Variants in PARG observed in about 807,000 individuals in gnomAD.
The protein encoded by PARG is poly(ADP-ribose) glycohydrolase.
Under a neutral mutation model 113.0 loss-of-function variants are expected in PARG, and 35 were observed. That is an observed-to-expected ratio of 0.31 (90% CI 0.24 to 0.41). PARG has a LOEUF of 0.41. Ranked by LOEUF, PARG falls within the 10% of genes least tolerant of loss-of-function variation. PARG has a pLI of 1.00. For synonymous variants in PARG, 330 were observed against 409.9 expected (o/e 0.81, Z 2.36); for missense variants, 797 against 1,169.4 (o/e 0.68, Z 4.64).
chr10:49,819,144 C>T lies in PARG; in HGVS notation c.*196G>A, dbSNP rs1843937003. On this transcript the variant is annotated 3_prime_UTR_variant, in exon 18 of 18. Coordinates refer to ENST00000616448, the MANE Select transcript of PARG (RefSeq NM_003631.5). ...AATAGAAACAAAACATATCTAAGTC[C>T]ACGTGAGTCAGGATGGAGGGAGTTT... 4.3e-6 allele frequency: 2 copies of T among 467,228 alleles called. No individual in the cohort carries two copies. Among genetic ancestry groups the T allele is most frequent in the Non-Finnish European group, 7.6e-6 (2 of 261,506 alleles). 28.9% of individuals were successfully genotyped at this position (467,228 alleles called of 1,614,324 possible). A position where few individuals can be genotyped will look rare whatever the true frequency, so the allele number is the denominator to read the frequency against.
intron 4 of PARG, among the ~76,000 whole-genome samples, chr10:49,927,536 A>G (rs1180180707): frequency 2.6e-5 from 4 of 152,064 alleles, no homozygotes; most frequent in African/African-American, 9.7e-5. Context: ...AGGAACTCCA[A>G]CAACACTTAC....
intron 7 of PARG, among the ~76,000 whole-genome samples, chr10:49,891,214 G>A (rs1199214005): frequency 4.6e-5 from 7 of 152,084 alleles, no homozygotes; most frequent in Admixed American, 2.0e-4. Context: ...CTCGGGAGGC[G>A]GAAGCAGGAG....
chr10:49,896,293 G>T (rs555234624), intron 7 of PARG, among the ~76,000 whole-genome samples: 12 of 151,778 alleles, frequency 7.9e-5, no homozygotes, highest in Admixed American at 5.3e-4. Context: ...GTTTTGTTTT[G>T]TTTTTTTTCT....
chr10:49,887,060 T>G (rs1185080407), intron 7 of PARG, among the ~76,000 whole-genome samples: 1 of 151,880 alleles, frequency 6.6e-6, no homozygotes, highest in African/African-American at 2.4e-5. Context: ...TTTTTTTTTT[T>G]TTTAATAGAA....
At chr10:49,919,179 G>A (rs1324348670) in intron 6 of PARG, among the ~76,000 whole-genome samples, 3 of 152,124 alleles carry the variant, frequency 2.0e-5, no homozygotes, top group South Asian at 2.1e-4. Flanking sequence ...GACCTCTGGC[G>A]ACCTGCCTGC....
intron 16 of PARG, among the ~76,000 whole-genome samples, chr10:49,824,682 C>T (rs181479926): frequency 6.6e-6 from 1 of 152,160 alleles, no homozygotes; most frequent in Non-Finnish European, 1.5e-5. Flanking sequence ...ACTGCTAACA[C>T]TGGGCTCTTA....
At chr10:49,830,979 T>C (rs1371865695) in intron 16 of PARG, among the ~76,000 whole-genome samples, 3 of 152,180 alleles carry the variant, frequency 2.0e-5, no homozygotes, top group Admixed American at 1.3e-4. Flanking sequence ...CATATGTGCA[T>C]ACAACAGAAT....
At chr10:49,840,594 A>T (rs551627892) in intron 15 of PARG, among the ~76,000 whole-genome samples, 1 of 152,180 alleles carries the variant, frequency 6.6e-6, no homozygotes, top group Non-Finnish European at 1.5e-5. Flanking sequence ...TTTAAAAAAT[A>T]GTGCATTATT....
intron 10 of PARG, among the ~76,000 whole-genome samples, chr10:49,867,885 A>G (rs1846597184): frequency 6.6e-6 from 1 of 152,216 alleles, no homozygotes; most frequent in Non-Finnish European, 1.5e-5. Flanking sequence ...CTACTTCGTT[A>G]TAATAATTCT....
intron 7 of PARG, among the ~76,000 whole-genome samples, chr10:49,891,269 G>A (rs1453138652): frequency 1.1e-4 from 17 of 152,100 alleles, no homozygotes; most frequent in African/African-American, 3.4e-4. Flanking sequence ...AGCCGAGATC[G>A]TGCCACTGCA....
rs1490901339 is a variant in PARG, at chr10:49,931,160, C to T, written c.1455+940G>A. Among the ~76,000 whole-genome samples the T allele has an allele frequency of 8.6e-5, 13 of 151,732 alleles. No homozygotes were observed. In the East Asian group the frequency reaches 2.5e-3, roughly 29 times the overall value. ...TTGTCCAGGTTCTTGGCTTGTAACT[C>T]CCATAGCCCTCGTTATAGTCTTTTG... On this transcript the variant is annotated intron_variant, in intron 4 of 17. Transcript: ENST00000616448.
rs1164196400 is a variant in PARG, at chr10:49,895,698, G to A, written c.1738-10403C>T. 5.3e-5 allele frequency among the ~76,000 whole-genome samples: 8 copies of A among 152,036 alleles called. No individual in the cohort carries two copies. In the East Asian group the frequency reaches 1.2e-3, roughly 22 times the overall value. ...TGGGATTACAAGTGTGAGCCACCGCGCCCGGCCGAGAACTGATATCTTAAC... is the reference window on the plus strand; with the variant it reads ...TGGGATTACAAGTGTGAGCCACCGCACCCGGCCGAGAACTGATATCTTAAC... On this transcript the variant is annotated intron_variant, in intron 7 of 17. Transcript: ENST00000616448.
intron 10 of PARG, among the ~76,000 whole-genome samples, chr10:49,867,743 AT>A: frequency 6.6e-6 from 1 of 150,776 alleles, no homozygotes; most frequent in African/African-American, 2.4e-5. Context: ...TGGCATATAC[AT>A]TTCCAGCTGA....
intron 9 of PARG, among the ~76,000 whole-genome samples, chr10:49,876,573 G>A (rs1846947110): frequency 1.3e-5 from 2 of 152,218 alleles, no homozygotes; most frequent in African/African-American, 4.8e-5. Flanking sequence ...GGCTAGCATA[G>A]GAACCTAGAG....
chr10:49,889,854 ATGTCTAATGCTG>A (rs1460403263), intron 7 of PARG, among the ~76,000 whole-genome samples: 1 of 152,214 alleles, frequency 6.6e-6, no homozygotes, highest in Non-Finnish European at 1.5e-5. Context: ...CTCCAGACCT[ATGTCTAATGCTG>A]CTTTGGAAAC....
At chr10:49,839,577 T>A (rs1293686717) in intron 15 of PARG, among the ~76,000 whole-genome samples, 4 of 152,224 alleles carry the variant, frequency 2.6e-5, no homozygotes, top group African/African-American at 7.2e-5. Context: ...TTCACATATA[T>A]CTTTTAAATT....
intron 16 of PARG, among the ~76,000 whole-genome samples, chr10:49,830,311 G>A (rs964127455): frequency 8.5e-5 from 13 of 152,116 alleles, no homozygotes; most frequent in Non-Finnish European, 1.6e-4. Context: ...AGTATCTGTC[G>A]TAAGATCAAT....
intron 9 of PARG, among the ~76,000 whole-genome samples, chr10:49,879,077 C>CA (rs1464701661): frequency 6.6e-6 from 1 of 152,188 alleles, no homozygotes; most frequent in African/African-American, 2.4e-5. Context: ...TCAATACCTT[C>CA]ACACTGTATT....
At chr10:49,821,358 G>T (rs976638012) in intron 16 of PARG, among the ~76,000 whole-genome samples, 1 of 152,084 alleles carries the variant, frequency 6.6e-6, no homozygotes, top group African/African-American at 2.4e-5. Flanking sequence ...GGGAAGATGG[G>T]AATCAAATTA....
Sources: allele counts gnomAD v4.1 joint callset (sites outside exome capture counted in the v4.1 genomes callset), GRCh38; gene constraint gnomAD v4.1.1; transcripts MANE v1.5; gene names NCBI Gene and HGNC (gene_info 2026-07-23, HGNC 2026-07-21).